SYTL2: variants seen among roughly 807,000 people sequenced by gnomAD.
SYTL2 encodes synaptotagmin-like protein 2.
Under a neutral mutation model 198.7 loss-of-function variants are expected in SYTL2, and 165 were observed. That is an observed-to-expected ratio of 0.83 (90% CI 0.73 to 0.94). SYTL2 has a LOEUF of 0.94. Ranked by LOEUF, SYTL2 falls within the 40% of genes least tolerant of loss-of-function variation. The pLI, the probability that SYTL2 is intolerant of heterozygous loss-of-function variation, is 0.00. For missense variants in SYTL2, 2,835 were observed against 2,582.8 expected (o/e 1.10, Z -2.12); for synonymous variants, 966 against 917.7 (o/e 1.05, Z -0.95).
intron 1 of SYTL2, among the ~76,000 whole-genome samples, chr11:85,765,069 G>A (rs1232940777): frequency 6.6e-6 from 1 of 152,190 alleles, no homozygotes; most frequent in African/African-American, 2.4e-5. Context: ...TCAATGTAGT[G>A]GGTGGCTTAA....
intron 4 of SYTL2, among the ~76,000 whole-genome samples, chr11:85,739,253 CT>C (rs34147924): frequency 0.047 from 5,887 of 124,396 alleles, 195 homozygotes; most frequent in East Asian, 0.13. Context: ...AGGAGGCTGG[CT>C]TTTTTTTTTT....
At chr11:85,778,515 G>GC (rs1219475627) in intron 1 of SYTL2, among the ~76,000 whole-genome samples, 1 of 152,252 alleles carries the variant, frequency 6.6e-6, no homozygotes, top group Non-Finnish European at 1.5e-5. Context: ...AGCAGAACCA[G>GC]TTCTAGCATC....
chr11:85,723,563 T>G (rs1022931369), intron 8 of SYTL2, among the ~76,000 whole-genome samples: 4 of 152,216 alleles, frequency 2.6e-5, no homozygotes, highest in Non-Finnish European at 4.4e-5. Flanking sequence ...TCTATAAAGG[T>G]TGCCAATTAA....
At chr11:85,801,288 T>G (rs1263439416) in intron 1 of SYTL2, among the ~76,000 whole-genome samples, 1 of 151,800 alleles carries the variant, frequency 6.6e-6, no homozygotes, top group Non-Finnish European at 1.5e-5. Context: ...GGCCTTAAAC[T>G]TTTTTTTTCT....
At chr11:85,835,833 T>A in the SYTL2 span, among the ~76,000 whole-genome samples, 2 of 152,186 alleles carry the variant, frequency 1.3e-5, no homozygotes, top group African/African-American at 4.8e-5. Context: ...GGGCAGCATA[T>A]GTCTAGTTGC....
chr11:85,723,705 A>AG (rs2088683806), intron 8 of SYTL2, among the ~76,000 whole-genome samples: 1 of 152,236 alleles, frequency 6.6e-6, no homozygotes, highest in Non-Finnish European at 1.5e-5. Context: ...AAGAGAAGTC[A>AG]ACTCAGACTC....
At chr11:85,840,391 A>G in the SYTL2 span, among the ~76,000 whole-genome samples, 1 of 152,172 alleles carries the variant, frequency 6.6e-6, no homozygotes, top group African/African-American at 2.4e-5. Context: ...ATTTTCCCCA[A>G]TGTTTTCTTG....
chr11:85,728,206 C>A (rs1210186957), intron 7 of SYTL2, among the ~76,000 whole-genome samples: 12 of 152,126 alleles, frequency 7.9e-5, no homozygotes, highest in African/African-American at 2.9e-4. Context: ...ATGGTATAGA[C>A]CTAACCGAAA....
rs1321841437 is a variant in SYTL2 at position 85,748,498 on chromosome 11, G to A, written c.102-75C>T. The A allele has an allele frequency of 1.8e-5, 27 of 1,480,636 alleles. No individual in the cohort carries two copies. The East Asian group carries it at 6.1e-4, about 34-fold the overall frequency. The allele number at this position is 1,480,636 out of a possible 1,614,324, so 91.7% of individuals were successfully genotyped here. A position where few individuals can be genotyped will look rare whatever the true frequency, so the allele number is the denominator to read the frequency against. On this transcript the variant is annotated intron_variant, in intron 2 of 19. Coordinates refer to ENST00000359152, the MANE Select transcript of SYTL2 (RefSeq NM_206927.4). Reference sequence around the variant, plus strand: ...TGAGTTCATTATGACACCGCATAAAGACATGTGTAAACACACAGATAAAAT... The same window carrying A: ...TGAGTTCATTATGACACCGCATAAAAACATGTGTAAACACACAGATAAAAT...
chr11:85,804,960 G>A (rs1030297100), intron 1 of SYTL2, among the ~76,000 whole-genome samples: 5 of 152,162 alleles, frequency 3.3e-5, no homozygotes, highest in Non-Finnish European at 2.9e-5. Flanking sequence ...TAAGTCTTTG[G>A]TCAACCACCC....
At chr11:85,800,808 C>T (rs994765732) in intron 1 of SYTL2, among the ~76,000 whole-genome samples, 15 of 152,214 alleles carry the variant, frequency 9.9e-5, no homozygotes, top group African/African-American at 1.4e-4. Context: ...GGTAGAGCCA[C>T]GTCTCCTCCA....
chr11:85,813,601 G>C (rs986521073), upstream of SYTL2, among the ~76,000 whole-genome samples: 2 of 152,174 alleles, frequency 1.3e-5, no homozygotes, highest in Non-Finnish European at 2.9e-5. Context: ...AGACTTTGGT[G>C]TATCTCCTGG....
chr11:85,727,302 T>G lies in SYTL2; in HGVS notation c.2056A>C (p.Asn686His). The change falls in exon 8 of 20, where the codon AAC (asparagine) becomes CAC (histidine). Residue 686 changes from asparagine (N) to histidine (H), a missense_variant. By Grantham distance (68) the Asn-to-His change is moderately conservative. Coordinates refer to ENST00000359152, the MANE Select transcript of SYTL2 (RefSeq NM_206927.4). ...CCCAAGTTGCCAATATTATTAGTGTTGCATGGAACTTGGTTTTCTGCATCA... is the reference window on the plus strand; with the variant it reads ...CCCAAGTTGCCAATATTATTAGTGTGGCATGGAACTTGGTTTTCTGCATCA... ...ESDAENQVPC[N>H]TNNIGNLGEE... is the part of the protein sequence containing the mutation. The G allele has an allele frequency of 6.5e-7, 1 of 1,535,722 alleles. No homozygotes were observed.
chr11:85,854,510 G>C, the SYTL2 span: 2 of 152,178 alleles, frequency 1.3e-5, no homozygotes, highest in South Asian at 4.2e-4. Context: ...GAACAAAAAA[G>C]GAAAGCGAGA....
chr11:85,817,455 AATG>A, the SYTL2 span, among the ~76,000 whole-genome samples: 2 of 152,248 alleles, frequency 1.3e-5, no homozygotes, highest in Admixed American at 1.3e-4. Flanking sequence ...TACATGTTGA[AATG>A]ATATTTTGAA....
the SYTL2 span, among the ~76,000 whole-genome samples, chr11:85,841,872 C>A: frequency 6.6e-6 from 1 of 152,176 alleles, no homozygotes; most frequent in Non-Finnish European, 1.5e-5. Flanking sequence ...TCAGATGTCA[C>A]AATAACATAG....
intron 1 of SYTL2, among the ~76,000 whole-genome samples, chr11:85,773,149 C>T (rs1316449247): frequency 2.0e-5 from 3 of 152,174 alleles, no homozygotes; most frequent in African/African-American, 7.2e-5. Context: ...TCAGTTTCCA[C>T]ATCTGCAAAA....
chr11:85,852,583 C>T, the SYTL2 span: 2,377 of 172,756 alleles, frequency 0.014, 57 homozygotes, highest in African/African-American at 0.052. Flanking sequence ...CACGTGTTGG[C>T]TGGGCTGATC....
At position 85,724,607 on chromosome 11, in the gene SYTL2, T is replaced by TG. The variant is rs558558671; in HGVS notation, c.4750dup (p.Gln1584ProfsTer37). 2 of 1,613,408 alleles carry TG rather than the reference T, an allele frequency of 1.2e-6. No individual in the cohort carries two copies. ...GTGAGTTTCTTCTCTCACTGACACC[T>TG]GGGGCTGATAAGGAGGAGCTTCAGT... On this transcript the variant is annotated frameshift_variant, in exon 8 of 20. Transcript: ENST00000359152. LOFTEE classifies it high-confidence loss of function.
Sources: allele counts gnomAD v4.1 joint callset (sites outside exome capture counted in the v4.1 genomes callset), GRCh38; gene constraint gnomAD v4.1.1; transcripts MANE v1.5; gene names NCBI Gene and HGNC (gene_info 2026-07-23, HGNC 2026-07-21).